ARHGAP42: variants seen among roughly 807,000 people sequenced by gnomAD.
The protein encoded by ARHGAP42 is rho GTPase-activating protein 42.
A neutral mutation model predicts 125.0 loss-of-function variants in ARHGAP42; 63 were observed. That is an observed-to-expected ratio of 0.50 (90% CI 0.41 to 0.62). ARHGAP42 has a LOEUF of 0.62. ARHGAP42 is among the 20% of genes least tolerant of loss of function. ARHGAP42 has a pLI of 0.00. For synonymous variants in ARHGAP42, 339 were observed against 351.0 expected (o/e 0.97, Z 0.38); for missense variants, 766 against 1,024.2 (o/e 0.75, Z 3.44).
chr11:100,896,167 T>C (rs1380675776), intron 4 of ARHGAP42, among the ~76,000 whole-genome samples: 1 of 152,210 alleles, frequency 6.6e-6, no homozygotes, highest in African/African-American at 2.4e-5. Flanking sequence ...GCAAAGGACA[T>C]GAACTCATCC....
chr11:100,784,247 C>T (rs1326351150), intron 2 of ARHGAP42, among the ~76,000 whole-genome samples: 1 of 152,172 alleles, frequency 6.6e-6, no homozygotes, highest in East Asian at 1.9e-4. Context: ...TACATAGGCA[C>T]GTACCTTATG....
chr11:100,931,170 C>T (rs964830016), intron 6 of ARHGAP42, among the ~76,000 whole-genome samples: 13 of 152,186 alleles, frequency 8.5e-5, no homozygotes, highest in African/African-American at 2.6e-4. Context: ...GTATCAGGTG[C>T]GGAATTTTTT....
At chr11:100,863,250 C>T (rs1323182161) in intron 4 of ARHGAP42, among the ~76,000 whole-genome samples, 1 of 152,152 alleles carries the variant, frequency 6.6e-6, no homozygotes, top group Non-Finnish European at 1.5e-5. Context: ...ACAAGTGACA[C>T]TCTGCTGCTT....
intron 5 of ARHGAP42, among the ~76,000 whole-genome samples, chr11:100,916,370 A>G (rs538129014): frequency 6.6e-6 from 1 of 152,344 alleles, no homozygotes; most frequent in East Asian, 1.9e-4. Flanking sequence ...AACATATGAC[A>G]TGGGGCTATC....
intron 16 of ARHGAP42, among the ~76,000 whole-genome samples, chr11:100,965,063 A>G (rs548623270): frequency 5.9e-5 from 9 of 152,254 alleles, no homozygotes; most frequent in East Asian, 3.9e-4. Flanking sequence ...TGGCAGCAGG[A>G]GAGAGAAGTG....
At chr11:100,825,064 G>T (rs937286749) in intron 3 of ARHGAP42, among the ~76,000 whole-genome samples, 4 of 152,134 alleles carry the variant, frequency 2.6e-5, no homozygotes, top group Non-Finnish European at 5.9e-5. Context: ...AATAGTAATG[G>T]CAATGGAAGT....
At chr11:100,933,348 T>A in intron 7 of ARHGAP42, 88 bp downstream of exon 7, 1 of 931,870 alleles carries the variant, frequency 1.1e-6, no homozygotes, top group Non-Finnish European at 1.6e-6. Flanking sequence ...TTCTAGCTGC[T>A]AGTGGAAAAT....
intron 4 of ARHGAP42, among the ~76,000 whole-genome samples, chr11:100,875,521 T>C (rs1444648077): frequency 6.6e-6 from 1 of 152,178 alleles, no homozygotes; most frequent in Non-Finnish European, 1.5e-5. Flanking sequence ...TGACCATCAC[T>C]GACACTGGGG....
At chr11:100,833,066 A>G (rs1299660174) in intron 3 of ARHGAP42, among the ~76,000 whole-genome samples, 2 of 152,180 alleles carry the variant, frequency 1.3e-5, no homozygotes, top group African/African-American at 4.8e-5. Context: ...ATATTGCCAC[A>G]TCCCAAGTTA....
chr11:100,924,179 T>C (rs1867355973), intron 6 of ARHGAP42, among the ~76,000 whole-genome samples: 1 of 152,074 alleles, frequency 6.6e-6, no homozygotes, highest in African/African-American at 2.4e-5. Flanking sequence ...GTAAAGCAAA[T>C]GGCCTGGGGA....
At chr11:100,758,561 T>C (rs1862627678) in intron 1 of ARHGAP42, among the ~76,000 whole-genome samples, 1 of 152,296 alleles carries the variant, frequency 6.6e-6, no homozygotes, top group Admixed American at 6.5e-5. Context: ...TGATGAGTTA[T>C]CTTTTTAGGT....
At chr11:100,969,804 G>T (rs550702191) in intron 17 of ARHGAP42, among the ~76,000 whole-genome samples, 1 of 152,152 alleles carries the variant, frequency 6.6e-6, no homozygotes, top group South Asian at 2.1e-4. Context: ...TGATGTTTGG[G>T]TCTGCTCACA....
intron 12 of ARHGAP42, among the ~76,000 whole-genome samples, chr11:100,958,472 C>T (rs574856075): frequency 6.6e-6 from 1 of 152,046 alleles, no homozygotes; most frequent in South Asian, 2.1e-4. Context: ...TTAGTTTTGA[C>T]ATTTTTATTT....
rs1254133187 is a variant in ARHGAP42, at chr11:100,851,951, C to T, written c.313-7603C>T. Among the ~76,000 whole-genome samples, 5 of 152,166 alleles carry T rather than the reference C, an allele frequency of 3.3e-5. No homozygotes were observed. The East Asian group carries it at 5.8e-4, about 18-fold the overall frequency. On this transcript the variant is annotated intron_variant, in intron 3 of 23. Transcript: ENST00000298815. The stretch of plus-strand genomic sequence containing the variant: ...CTTGGCTGATTTCAACACAAGGTCA[C>T]TTACCCAGTGCAGGTTGGGAAGAGA...
At chr11:100,773,375 A>G (rs1863027941) in intron 2 of ARHGAP42, among the ~76,000 whole-genome samples, 1 of 152,300 alleles carries the variant, frequency 6.6e-6, no homozygotes, top group East Asian at 1.9e-4. Context: ...GGATTATAGC[A>G]AATACTCCTG....
intron 19 of ARHGAP42, among the ~76,000 whole-genome samples, chr11:100,975,468 AC>A (rs928323226): frequency 6.6e-6 from 1 of 152,214 alleles, no homozygotes; most frequent in African/African-American, 2.4e-5. Context: ...AGGAAATAAA[AC>A]CAGCAAAATA....
intron 4 of ARHGAP42, among the ~76,000 whole-genome samples, chr11:100,866,051 C>A (rs1209924220): frequency 6.6e-6 from 1 of 152,238 alleles, no homozygotes; most frequent in Non-Finnish European, 1.5e-5. Flanking sequence ...CCCTCAAACA[C>A]TGCTTCTGCC....
intron 4 of ARHGAP42, among the ~76,000 whole-genome samples, chr11:100,866,377 A>G (rs925753340): frequency 1.3e-5 from 2 of 152,206 alleles, no homozygotes; most frequent in African/African-American, 4.8e-5. Flanking sequence ...GGCTTCTAGA[A>G]TGTTGAATCC....
chr11:100,726,095 A>G (rs1861856975), intron 1 of ARHGAP42, among the ~76,000 whole-genome samples: 1 of 151,854 alleles, frequency 6.6e-6, no homozygotes, highest in African/African-American at 2.4e-5. Context: ...AAAAAAAAAA[A>G]AAAGTTACTA....
Sources: gnomAD v4.1 joint callset for allele counts (sites outside exome capture counted in the v4.1 genomes callset) on GRCh38, gnomAD v4.1.1 for gene constraint, MANE v1.5 for transcripts, NCBI Gene and HGNC (gene_info 2026-07-23, HGNC 2026-07-21) for gene names.